Variants in FAM53B observed in about 807,000 individuals in gnomAD.
FAM53B encodes the protein family with sequence similarity 53 member B.
In FAM53B, 12 loss-of-function variants were observed where a neutral mutation model predicts 32.7. The observed-to-expected ratio is 0.37, with a 90% CI of 0.24 to 0.59. The LOEUF is 0.59. FAM53B is among the 20% of genes least tolerant of loss of function. The probability of loss-of-function intolerance (pLI) is 0.72; values close to 1 mark genes in which losing one functional copy is unlikely to be tolerated. For missense variants in FAM53B, 477 were observed against 577.7 expected (o/e 0.83, Z 1.79); for synonymous variants, 234 against 228.7 (o/e 1.02, Z -0.21).
In FAM53B at chr10:124,706,660, T is replaced by C. The variant is rs139691871; in HGVS notation, c.54A>G (p.Ala18=). The change falls in exon 2 of 5, where the codon GCA becomes GCG. Residue 18 remains alanine, a synonymous_variant. Coordinates refer to ENST00000337318, the MANE Select transcript of FAM53B (RefSeq NM_014661.4). ...CCAGTTCACGGCTGAAGGTCCCACA[T>C]GCAATGGAGTCAGCTCCCCGGGTGC... ...SLSTRGADSI[A]CGTFSRELHT... is the part of the protein sequence containing the mutation. 1.2e-4 allele frequency: 188 copies of C among 1,614,046 alleles called. No homozygotes were observed. The highest frequency in any genetic ancestry group is 1.5e-4 in the Non-Finnish European group (178 of 1,180,032).
chr10:124,682,949 T>C lies in FAM53B; in HGVS notation c.134-570A>G, dbSNP rs966164248. Reference sequence around the variant, plus strand: ...CCACCTTGAAAGCCTTTGCTGATAATAGAAGCTGGAACTTGTACTGATTTA... The same window carrying C: ...CCACCTTGAAAGCCTTTGCTGATAACAGAAGCTGGAACTTGTACTGATTTA... On this transcript the variant is annotated intron_variant, in intron 3 of 4. Coordinates refer to ENST00000337318, the MANE Select transcript of FAM53B (RefSeq NM_014661.4). The surrounding 1 kb of genome is among the most constrained non-coding windows in gnomAD (Gnocchi z 5.2). Among the ~76,000 whole-genome samples the C allele has an allele frequency of 3.9e-5, 6 of 152,250 alleles. No homozygotes were observed. Among genetic ancestry groups the C allele is most frequent in the Non-Finnish European group, 7.3e-5 (5 of 68,044 alleles).
intron 4 of FAM53B, among the ~76,000 whole-genome samples, chr10:124,655,966 T>TA (rs940809037): frequency 1.1e-4 from 17 of 152,170 alleles, no homozygotes; most frequent in Non-Finnish European, 2.4e-4. Context: ...AGCAGGTACG[T>TA]ACCAAACAGA....
Position 124,683,997 on chromosome 10 carries a change from A to C in FAM53B, c.134-1618T>G, listed in dbSNP as rs140962152. 2.7e-3 allele frequency among the ~76,000 whole-genome samples: 411 copies of C among 152,380 alleles called. 1 individual carries two copies. Among genetic ancestry groups the C allele is most frequent in the African/African-American group, 9.5e-3 (395 of 41,592 alleles). On this transcript the variant is annotated intron_variant, in intron 3 of 4. Coordinates refer to ENST00000337318, the MANE Select transcript of FAM53B (RefSeq NM_014661.4). ...GAGCCCAGAGAAAAAGCCGAGGCAG[A>C]GCTAATGGTGGTTCTCCTTCCTCTT...
chr10:124,639,887 T>C (rs1470040371), intron 4 of FAM53B, among the ~76,000 whole-genome samples: 1 of 151,458 alleles, frequency 6.6e-6, no homozygotes, highest in Non-Finnish European at 1.5e-5. Context: ...CTTTTACACC[T>C]GGAGAGACAG....
At chr10:124,639,727 CA>C (rs1490454174) in intron 4 of FAM53B, among the ~76,000 whole-genome samples, 1 of 152,056 alleles carries the variant, frequency 6.6e-6, no homozygotes, top group Non-Finnish European at 1.5e-5. Flanking sequence ...AAATGCTTGG[CA>C]GAATATACAA....
chr10:124,661,546 TGAGACAATCTTACA>T (rs1949631525), intron 4 of FAM53B, among the ~76,000 whole-genome samples: 1 of 152,254 alleles, frequency 6.6e-6, no homozygotes, highest in South Asian at 2.1e-4. Flanking sequence ...TGGTGGGCTC[TGAGACAATCTTACA>T]GCCACTGTCC....
chr10:124,730,746 C>T (rs1250705739), intron 1 of FAM53B, among the ~76,000 whole-genome samples: 2 of 152,176 alleles, frequency 1.3e-5, no homozygotes, highest in Non-Finnish European at 2.9e-5. Flanking sequence ...CTGAAGTCTT[C>T]GTTTCATTTA....
intron 1 of FAM53B, among the ~76,000 whole-genome samples, chr10:124,731,774 G>A (rs2134101992): frequency 6.6e-6 from 1 of 152,160 alleles, no homozygotes; most frequent in African/African-American, 2.4e-5. Flanking sequence ...TTTGGCTGTG[G>A]CCCTTCCCCG....
chr10:124,716,952 ACCATGACCTGTT>A (rs1455167760), intron 1 of FAM53B, among the ~76,000 whole-genome samples: 1 of 152,160 alleles, frequency 6.6e-6, no homozygotes, highest in African/African-American at 2.4e-5. Flanking sequence ...GCCTAAGACA[ACCATGACCTGTT>A]CTTCAGTCGG....
chr10:124,670,156 G>A (rs1304026015), intron 4 of FAM53B, among the ~76,000 whole-genome samples: 6 of 152,020 alleles, frequency 3.9e-5, no homozygotes, highest in Admixed American at 2.0e-4. Context: ...AGGGCGGGCG[G>A]TGACACTCAT....
At chr10:124,670,481 C>T (rs1174965844) in intron 4 of FAM53B, among the ~76,000 whole-genome samples, 2 of 152,132 alleles carry the variant, frequency 1.3e-5, no homozygotes, top group Admixed American at 6.5e-5. Flanking sequence ...ACCGTGATGG[C>T]CCTGCCGACA....
At chr10:124,629,947 C>T (rs1313629372) in intron 4 of FAM53B, among the ~76,000 whole-genome samples, 1 of 152,200 alleles carries the variant, frequency 6.6e-6, no homozygotes, top group Non-Finnish European at 1.5e-5. Flanking sequence ...GCTGCAGGTG[C>T]TAGAGATGCC....
intron 2 of FAM53B, among the ~76,000 whole-genome samples, chr10:124,703,146 G>A (rs1327645896): frequency 6.6e-6 from 1 of 152,116 alleles, no homozygotes; most frequent in Non-Finnish European, 1.5e-5. Flanking sequence ...CCAGGTTCGA[G>A]CCATTCTCCT....
chr10:124,650,299 G>A (rs1182997973), intron 4 of FAM53B, among the ~76,000 whole-genome samples: 1 of 152,202 alleles, frequency 6.6e-6, no homozygotes, highest in Non-Finnish European at 1.5e-5. Flanking sequence ...TCGCGGGACA[G>A]GTGTCGTCTA....
chr10:124,725,394 G>C (rs1564888926), intron 1 of FAM53B, among the ~76,000 whole-genome samples: 1 of 148,606 alleles, frequency 6.7e-6, no homozygotes, highest in Admixed American at 6.7e-5. Context: ...GTTGATTCTG[G>C]ACATGGTTAA....
rs1482814507 is a variant in FAM53B at position 124,733,400 on chromosome 10, G to A, written c.-175+10613C>T. On this transcript the variant is annotated intron_variant, in intron 1 of 4. Coordinates refer to ENST00000337318, the MANE Select transcript of FAM53B (RefSeq NM_014661.4). The surrounding 1 kb of genome is among the most constrained non-coding windows in gnomAD (Gnocchi z 4.3). The stretch of plus-strand genomic sequence containing the variant: ...TCAGGCCCGCCATTCTCGAGTGTCT[G>A]TGTCAGCAGCTTCCCCCTGCCTTTG... Among the ~76,000 whole-genome samples the A allele has an allele frequency of 6.6e-6, 1 of 152,226 alleles. No individual in the cohort carries two copies. Among genetic ancestry groups the A allele is most frequent in the Non-Finnish European group, 1.5e-5 (1 of 68,048 alleles).
At chr10:124,701,272 T>C (rs1949913423) in intron 2 of FAM53B, among the ~76,000 whole-genome samples, 2 of 152,254 alleles carry the variant, frequency 1.3e-5, no homozygotes, top group South Asian at 4.1e-4. Context: ...AGGCCTGACA[T>C]GGCCACTAAC....
intron 1 of FAM53B, among the ~76,000 whole-genome samples, chr10:124,728,058 A>G (rs1299675323): frequency 6.6e-6 from 1 of 152,164 alleles, no homozygotes; most frequent in Non-Finnish European, 1.5e-5. Context: ...CCCTGAAAAC[A>G]CTCAAACGAC....
At chr10:124,698,243 G>A (rs575973980) in intron 2 of FAM53B, among the ~76,000 whole-genome samples, 209 of 152,304 alleles carry the variant, frequency 1.4e-3, no homozygotes, top group African/African-American at 4.8e-3. Context: ...TGGGAGGCCA[G>A]AGAGGCCACA....
Sources: allele counts gnomAD v4.1 joint callset (sites outside exome capture counted in the v4.1 genomes callset), GRCh38; gene constraint gnomAD v4.1.1; non-coding constraint Gnocchi (gnomAD v3.1); transcripts MANE v1.5; gene names NCBI Gene and HGNC (gene_info 2026-07-23, HGNC 2026-07-21).